The following KCNJ6 variants were observed in gnomAD, a reference collection of about 807,000 sequenced individuals.
KCNJ6 encodes the protein potassium inwardly rectifying channel subfamily J member 6, also known as G protein-activated inward rectifier potassium channel 2.
A neutral mutation model predicts 34.2 loss-of-function variants in KCNJ6; 9 were observed. That is an observed-to-expected ratio of 0.26 (90% confidence interval 0.16 to 0.46). KCNJ6 has a LOEUF of 0.46. KCNJ6 is among the 20% of genes least tolerant of loss of function. KCNJ6 has a pLI of 1.00. For missense variants in KCNJ6, 236 were observed against 531.3 expected (o/e 0.44, Z 5.46); for synonymous variants, 196 against 207.1 (o/e 0.95, Z 0.46).
chr21:37,885,427 G>C (rs549297081), intron 1 of KCNJ6, among the ~76,000 whole-genome samples: 1 of 152,304 alleles, frequency 6.6e-6, no homozygotes, highest in Non-Finnish European at 1.5e-5. Flanking sequence ...ATGCTAAACA[G>C]AGACTTCTGA....
chr21:37,781,357 T>A (rs958855512), intron 2 of KCNJ6, among the ~76,000 whole-genome samples: 1 of 152,134 alleles, frequency 6.6e-6, no homozygotes, highest in African/African-American at 2.4e-5. Flanking sequence ...GACAGAGAAG[T>A]GTTCTCAGAG....
intron 3 of KCNJ6, among the ~76,000 whole-genome samples, chr21:37,676,355 A>G (rs376475878): frequency 6.6e-5 from 10 of 152,318 alleles, no homozygotes; most frequent in African/African-American, 2.4e-4. Flanking sequence ...CCTAAGCTCC[A>G]TCTATTAGTG....
intron 3 of KCNJ6, among the ~76,000 whole-genome samples, chr21:37,684,293 T>C (rs1022563613): frequency 3.3e-5 from 5 of 151,982 alleles, no homozygotes; most frequent in African/African-American, 7.2e-5. Context: ...ACTTCTGATG[T>C]CATCTTCACA....
intron 2 of KCNJ6, among the ~76,000 whole-genome samples, chr21:37,833,590 TG>T (rs35638037): frequency 6.6e-6 from 1 of 151,804 alleles, no homozygotes; most frequent in African/African-American, 2.4e-5. Context: ...TCCGAGACTG[TG>T]GGGGTCCCAG....
At position 37,916,213 on chromosome 21, in the gene KCNJ6, T is replaced by C. The variant is rs997056207; in HGVS notation, c.-357A>G. 1 of 147,684 alleles carries C rather than the reference T, an allele frequency of 6.8e-6. No individual in the cohort carries two copies. The highest frequency in any genetic ancestry group is 6.7e-5 in the Admixed American group (1 of 14,908). 9.1% of individuals were successfully genotyped at this position (147,684 alleles called of 1,614,324 possible). A position where few individuals can be genotyped will look rare whatever the true frequency, so the allele number is the denominator to read the frequency against. ...GAGCGCGGAGAGCAGGGCTGGGCGCTGGGGCCAAGGGAGGGGCGGAGGGGC... is the reference window on the plus strand; with the variant it reads ...GAGCGCGGAGAGCAGGGCTGGGCGCCGGGGCCAAGGGAGGGGCGGAGGGGC... On this transcript the variant is annotated 5_prime_UTR_variant, in exon 1 of 4. Transcript: ENST00000609713.
chr21:37,909,454 C>T lies in KCNJ6; in HGVS notation c.-28+6430G>A, dbSNP rs2055857052. Among the ~76,000 whole-genome samples, 3 of 151,982 alleles carry T rather than the reference C, an allele frequency of 2.0e-5. No homozygotes were observed. In the South Asian group the frequency reaches 6.2e-4, roughly 32 times the overall value. On this transcript the variant is annotated intron_variant, in intron 1 of 3. Transcript: ENST00000609713. ...GATCTCAGCTCACTGCAACATCTGC[C>T]TCCTGGGTTCAAGCAATTCTTGTGC... is the stretch of plus-strand genomic sequence containing the variant.
chr21:37,740,737 C>A (rs914351303), intron 2 of KCNJ6, among the ~76,000 whole-genome samples: 1 of 152,192 alleles, frequency 6.6e-6, no homozygotes, highest in African/African-American at 2.4e-5. Context: ...ATTCTTCTGC[C>A]ATTCCCCTGT....
At chr21:37,727,632 T>G (rs543540308) in intron 2 of KCNJ6, among the ~76,000 whole-genome samples, 1 of 152,104 alleles carries the variant, frequency 6.6e-6, no homozygotes, top group East Asian at 1.9e-4. Context: ...GATAGTCGGG[T>G]GTTTGATAGA....
At position 37,607,492 on chromosome 21, in the gene KCNJ6, T is replaced by TTTTTTTA. The variant is rs1172193437; in HGVS notation, c.*17666_*17667insTAAAAAA. On this transcript the variant is annotated 3_prime_UTR_variant, in exon 4 of 4. Transcript: ENST00000609713. ...TATATATATATATATATTTTTTTTTTATTTTAAAAAAATTTGGCATTGTAG... is the reference window on the plus strand; with the variant it reads ...TATATATATATATATATTTTTTTTTTTTTTTTAATTTTAAAAAAATTTGGCATTGTAG... 4.1e-5 allele frequency: 4 copies of TTTTTTTA among 98,682 alleles called. No homozygotes were observed. The South Asian group carries it at 1.5e-3, about 37-fold the overall frequency. 6.1% of individuals were successfully genotyped at this position (98,682 alleles called of 1,614,324 possible).
chr21:37,632,100 G>A (rs941835187), intron 3 of KCNJ6, among the ~76,000 whole-genome samples: 1 of 152,070 alleles, frequency 6.6e-6, no homozygotes, highest in African/African-American at 2.4e-5. Context: ...AGGCCCGGGA[G>A]CTGAAAGTGG....
chr21:37,683,725 G>A (rs531406362), intron 3 of KCNJ6, among the ~76,000 whole-genome samples: 7 of 152,190 alleles, frequency 4.6e-5, no homozygotes, highest in South Asian at 2.1e-4. Flanking sequence ...ACAGAGTTCC[G>A]GTGTGGGGAG....
chr21:37,690,353 A>T (rs1402542162), intron 3 of KCNJ6, among the ~76,000 whole-genome samples: 1 of 152,206 alleles, frequency 6.6e-6, no homozygotes. Flanking sequence ...ATAAAAAGTT[A>T]ATTAAAATCA....
Position 37,706,284 on chromosome 21 carries a change from A to G in KCNJ6, c.946+7927T>C, listed in dbSNP as rs147478487. The stretch of plus-strand genomic sequence containing the variant: ...ACATTTCAAAACCTAACTCACAAAA[A>G]ATTTTTCAGCTCAGCTTACTGGTTT... On this transcript the variant is annotated intron_variant, in intron 3 of 3. Transcript: ENST00000609713. Among the ~76,000 whole-genome samples, 589 of 152,268 alleles carry G rather than the reference A, an allele frequency of 3.9e-3. 2 individuals carry two copies. The highest frequency in any genetic ancestry group is 0.013 in the African/African-American group (553 of 41,538).
chr21:37,687,067 T>C (rs1467542729), intron 3 of KCNJ6, among the ~76,000 whole-genome samples: 1 of 152,096 alleles, frequency 6.6e-6, no homozygotes, highest in Non-Finnish European at 1.5e-5. Flanking sequence ...GGGAGGGCCC[T>C]GAGGGTTCTG....
intron 2 of KCNJ6, among the ~76,000 whole-genome samples, chr21:37,743,026 C>A (rs1265110192): frequency 6.6e-6 from 1 of 152,188 alleles, no homozygotes; most frequent in Non-Finnish European, 1.5e-5. Context: ...TCAGCTCAGA[C>A]TTGCCCTTCC....
chr21:37,648,885 A>G (rs559046298), intron 3 of KCNJ6, among the ~76,000 whole-genome samples: 2 of 152,162 alleles, frequency 1.3e-5, no homozygotes, highest in South Asian at 4.2e-4. Flanking sequence ...TAATCCCAGC[A>G]CTTCGGGAGG....
At chr21:37,716,571 G>A (rs544293879) in intron 2 of KCNJ6, among the ~76,000 whole-genome samples, 3 of 151,788 alleles carry the variant, frequency 2.0e-5, no homozygotes, top group Admixed American at 1.3e-4. Context: ...TCATGGAGAC[G>A]GGGGTCTCAC....
chr21:37,656,441 G>A (rs2054464494), intron 3 of KCNJ6, among the ~76,000 whole-genome samples: 1 of 152,208 alleles, frequency 6.6e-6, no homozygotes. Context: ...CTGAGTCAAA[G>A]TGGTTGGTTT....
At chr21:37,915,369 G>A (rs983411128) in intron 1 of KCNJ6, among the ~76,000 whole-genome samples, 3 of 152,200 alleles carry the variant, frequency 2.0e-5, no homozygotes, top group African/African-American at 7.2e-5. Context: ...ACAGTTAGGA[G>A]TTACAGTATT....
Sources: allele counts gnomAD v4.1 joint callset (sites outside exome capture counted in the v4.1 genomes callset), GRCh38; gene constraint gnomAD v4.1.1; transcripts MANE v1.5; gene names NCBI Gene and HGNC (gene_info 2026-07-23, HGNC 2026-07-21).